Variants in TBCE observed in about 807,000 individuals in gnomAD.
TBCE encodes the protein tubulin folding cofactor E, also known as tubulin-specific chaperone E.
A neutral mutation model predicts 77.0 loss-of-function variants in TBCE; 53 were observed. The observed-to-expected ratio is 0.69, with a 90% CI of 0.55 to 0.87. TBCE has a LOEUF of 0.87. TBCE is among the 40% of genes least tolerant of loss of function. The probability of loss-of-function intolerance (pLI) is 0.00; values close to 1 mark genes in which losing one functional copy is unlikely to be tolerated. For synonymous variants in TBCE, 235 were observed against 241.3 expected (o/e 0.97, Z 0.24); for missense variants, 624 against 622.4 (o/e 1.00, Z -0.03).
rs779754010 is a variant in TBCE at position 235,442,843 on chromosome 1, C to T, written c.1340-9C>T. 6.2e-7 allele frequency: 1 copy of T among 1,613,514 alleles called. No homozygotes were observed. The highest frequency in any genetic ancestry group is 8.5e-7 in the Non-Finnish European group (1 of 1,179,624). On this transcript the variant is annotated splice_polypyrimidine_tract_variant and intron_variant, in intron 14 of 16. Coordinates refer to ENST00000642610, the MANE Select transcript of TBCE (RefSeq NM_003193.5). ...TATCAATTAGTCTTTTTCTTTGTTT[C>T]TCTTAAAGCACTGAAGATAAAATAC...
chr1:235,404,357 C>T (rs924902936), intron 3 of TBCE, among the ~76,000 whole-genome samples: 6 of 150,894 alleles, frequency 4.0e-5, no homozygotes, highest in Admixed American at 3.3e-4. Context: ...GTGGCTGAGT[C>T]ATTAGGATTG....
chr1:235,434,332 G>T, intron 8 of TBCE, 52 bp downstream of exon 8: 1 of 1,444,844 alleles, frequency 6.9e-7, no homozygotes. Context: ...ATCATTCTGA[G>T]TAAATAAATG....
intron 1 of TBCE, among the ~76,000 whole-genome samples, chr1:235,376,709 C>T (rs1267899518): frequency 6.6e-6 from 1 of 152,102 alleles, no homozygotes; most frequent in Non-Finnish European, 1.5e-5. Flanking sequence ...GGCACAGTGG[C>T]TCACACCTGT....
At chr1:235,377,678 G>A (rs1677380817) in intron 1 of TBCE, among the ~76,000 whole-genome samples, 1 of 150,920 alleles carries the variant, frequency 6.6e-6, no homozygotes, top group Admixed American at 6.6e-5. Context: ...TTGAGATGGG[G>A]TCTTGCTCTG....
At chr1:235,406,072 CTTA>C (rs1679409698) in intron 3 of TBCE, among the ~76,000 whole-genome samples, 1 of 152,140 alleles carries the variant, frequency 6.6e-6, no homozygotes, top group Non-Finnish European at 1.5e-5. Context: ...TACATATTAT[CTTA>C]TTATAAATAA....
intron 1 of TBCE, among the ~76,000 whole-genome samples, chr1:235,373,068 T>C (rs1171943561): frequency 6.6e-6 from 1 of 151,902 alleles, no homozygotes; most frequent in Non-Finnish European, 1.5e-5. Flanking sequence ...TTGAGGTAGC[T>C]CAAACCTGTA....
rs192200340 is a variant in TBCE at position 235,417,147 on chromosome 1, A to T, written c.372-2326A>T. The stretch of plus-strand genomic sequence containing the variant: ...TCAATAAAGGAATCAAAAACAAATT[A>T]AAAAATCCATTATGTATGGTTTCTC... On this transcript the variant is annotated intron_variant, in intron 4 of 16. Coordinates refer to ENST00000642610, the MANE Select transcript of TBCE (RefSeq NM_003193.5). 6.5e-4 allele frequency among the ~76,000 whole-genome samples: 99 copies of T among 152,334 alleles called. 2 individuals are homozygous for T. Among genetic ancestry groups the T allele is most frequent in the Admixed American group, 3.6e-3 (55 of 15,298 alleles).
chr1:235,367,827 G>A (rs751683996), intron 1 of TBCE, among the ~76,000 whole-genome samples: 5 of 152,226 alleles, frequency 3.3e-5, no homozygotes, highest in Non-Finnish European at 7.3e-5. Context: ...TAGAGGAACA[G>A]CCTCGTCCTT....
intron 15 of TBCE, 148 bp from the exon 16 acceptor site, chr1:235,448,201 T>TAA: frequency 1.5e-6 from 1 of 662,986 alleles, no homozygotes; most frequent in East Asian, 2.8e-5. Context: ...CTTACTTAAG[T>TAA]AAGTAAGTAA....
chr1:235,440,116 G>A (rs1271830973), intron 13 of TBCE, among the ~76,000 whole-genome samples: 5 of 152,050 alleles, frequency 3.3e-5, no homozygotes, highest in African/African-American at 9.7e-5. Context: ...GACTACAGGC[G>A]CCCACCACCA....
rs909529119 is a variant in TBCE at position 235,451,650 on chromosome 1, A to G, written c.*2888A>G. Reference sequence around the variant, plus strand: ...TACAGCAAAGGAATCAGACTATCAAAGTGGACCATGTAGATGTGGGTTGAT... The same window carrying G: ...TACAGCAAAGGAATCAGACTATCAAGGTGGACCATGTAGATGTGGGTTGAT... On this transcript the variant is annotated 3_prime_UTR_variant, in exon 17 of 17. Coordinates refer to ENST00000642610, the MANE Select transcript of TBCE (RefSeq NM_003193.5). 2 of 152,238 alleles carry G rather than the reference A, an allele frequency of 1.3e-5. No homozygotes were observed. The highest frequency in any genetic ancestry group is 4.8e-5 in the African/African-American group (2 of 41,466). 9.4% of individuals were successfully genotyped at this position (152,238 alleles called of 1,614,324 possible).
intron 2 of TBCE, among the ~76,000 whole-genome samples, chr1:235,399,082 T>C (rs1476841943): frequency 1.3e-5 from 2 of 152,050 alleles, no homozygotes; most frequent in African/African-American, 4.8e-5. Context: ...GCCTTCTGGG[T>C]AGCTGGGATC....
intron 14 of TBCE, 125 bp downstream of exon 14, chr1:235,442,007 A>ATTTT (rs1256601287): frequency 1.2e-6 from 1 of 830,654 alleles, no homozygotes; most frequent in Non-Finnish European, 1.9e-6. Flanking sequence ...TTTAAATGAA[A>ATTTT]ATTTTTTTTT....
intron 2 of TBCE, among the ~76,000 whole-genome samples, chr1:235,400,224 A>T (rs1679012668): frequency 6.6e-6 from 1 of 151,950 alleles, no homozygotes; most frequent in Non-Finnish European, 1.5e-5. Context: ...AAACCCGAAG[A>T]ACTGATATTA....
Position 235,449,961 on chromosome 1 carries a change from T to G in TBCE, c.*1199T>G. Reference sequence around the variant, plus strand: ...ATATTTTTTCTTTTATAAAATAACTTGGTATTTTTCTGATAATCTTCCAAT... The same window carrying G: ...ATATTTTTTCTTTTATAAAATAACTGGGTATTTTTCTGATAATCTTCCAAT... On this transcript the variant is annotated 3_prime_UTR_variant, in exon 17 of 17. Coordinates refer to ENST00000642610, the MANE Select transcript of TBCE (RefSeq NM_003193.5). The G allele has an allele frequency of 2.9e-6, 1 of 341,756 alleles. No homozygotes were observed. The highest frequency in any genetic ancestry group is 5.3e-6 in the Non-Finnish European group (1 of 189,270). The allele number at this position is 341,756 out of a possible 1,614,324, so 21.2% of individuals were successfully genotyped here.
intron 15 of TBCE, among the ~76,000 whole-genome samples, chr1:235,444,785 T>C (rs1002165747): frequency 6.6e-6 from 1 of 152,268 alleles, no homozygotes; most frequent in Non-Finnish European, 1.5e-5. Context: ...ATCAAATCAA[T>C]TCATGGGAAT....
At chr1:235,432,428 G>C (rs1211259149) in intron 7 of TBCE, among the ~76,000 whole-genome samples, 1 of 152,114 alleles carries the variant, frequency 6.6e-6, no homozygotes, top group East Asian at 1.9e-4. Flanking sequence ...TCTTTCCTAG[G>C]GCCCCTCCTC....
chr1:235,423,177 C>T (rs1048595790), intron 5 of TBCE, among the ~76,000 whole-genome samples: 3 of 152,020 alleles, frequency 2.0e-5, no homozygotes, highest in Non-Finnish European at 2.9e-5. Context: ...GCTGCAGACC[C>T]GGGTGTGTCA....
At chr1:235,386,557 C>G (rs1018357621) in intron 2 of TBCE, among the ~76,000 whole-genome samples, 12 of 152,108 alleles carry the variant, frequency 7.9e-5, no homozygotes, top group African/African-American at 2.9e-4. Context: ...TTTCATCTTC[C>G]ATCACTGATA....
Sources: gnomAD v4.1 joint callset for allele counts (sites outside exome capture counted in the v4.1 genomes callset) on GRCh38, gnomAD v4.1.1 for gene constraint, MANE v1.5 for transcripts, NCBI Gene and HGNC (gene_info 2026-07-23, HGNC 2026-07-21) for gene names.